SCAMP2: variants seen among roughly 807,000 people sequenced by gnomAD.
SCAMP2 encodes the protein secretory carrier membrane protein 2.
SCAMP2 carries 25 observed loss-of-function variants against 44.1 expected under a neutral mutation model. The ratio of observed to expected loss-of-function variants is 0.57; its 90% CI spans 0.41 to 0.79. The LOEUF is 0.79. SCAMP2 is among the 30% of genes least tolerant of loss of function. The pLI, the probability that SCAMP2 is intolerant of heterozygous loss-of-function variation, is 0.00. For synonymous variants in SCAMP2, 156 were observed against 166.0 expected (o/e 0.94, Z 0.46); for missense variants, 355 against 411.0 (o/e 0.86, Z 1.18).
intron 1 of SCAMP2, among the ~76,000 whole-genome samples, chr15:74,858,220 C>T (rs2064479786): frequency 6.6e-6 from 1 of 152,170 alleles, no homozygotes. Context: ...AATGATGCTA[C>T]TGTGAAATTC....
At chr15:74,851,249 CT>C in intron 5 of SCAMP2, 103 bp downstream of exon 5, 1 of 1,341,246 alleles carries the variant, frequency 7.5e-7, no homozygotes, top group Non-Finnish European at 1.0e-6. Context: ...AGGCTGGAGT[CT>C]GCTGAAAGCC....
intron 1 of SCAMP2, among the ~76,000 whole-genome samples, chr15:74,868,209 C>T (rs2064554858): frequency 6.6e-6 from 1 of 152,164 alleles, no homozygotes; most frequent in Non-Finnish European, 1.5e-5. Flanking sequence ...GTGGGCAAAC[C>T]TCTGTGGCAC....
intron 1 of SCAMP2, chr15:74,872,977 C>G (rs2064587381): frequency 1.5e-5 from 7 of 479,566 alleles, no homozygotes; most frequent in Non-Finnish European, 2.5e-5. Context: ...TAGAAGACCC[C>G]ACTGTCTCCA....
intron 1 of SCAMP2, among the ~76,000 whole-genome samples, chr15:74,863,703 C>A (rs2064524032): frequency 6.6e-6 from 1 of 152,178 alleles, no homozygotes; most frequent in Admixed American, 6.5e-5. Flanking sequence ...CTCCTCGCAC[C>A]TCTGTGTAGT....
intron 1 of SCAMP2, among the ~76,000 whole-genome samples, chr15:74,870,510 T>C (rs2064568449): frequency 6.6e-6 from 1 of 152,174 alleles, no homozygotes; most frequent in African/African-American, 2.4e-5. Flanking sequence ...AACCCCAGTA[T>C]TATACAGCAG....
intron 7 of SCAMP2, 141 bp from the exon 8 acceptor site, chr15:74,845,734 A>T: frequency 1.9e-6 from 2 of 1,066,336 alleles, no homozygotes; most frequent in Non-Finnish European, 2.8e-6. Context: ...CCTGTGAGCC[A>T]GAAGCCCTTG....
chr15:74,847,496 C>T lies in SCAMP2; in HGVS notation c.734+1104G>A, dbSNP rs543530003. Among the ~76,000 whole-genome samples, 14 of 152,314 alleles carry T rather than the reference C, an allele frequency of 9.2e-5. No homozygotes were observed. The South Asian group carries it at 2.9e-3, about 32-fold the overall frequency. On this transcript the variant is annotated intron_variant, in intron 7 of 8. Coordinates refer to ENST00000268099, the MANE Select transcript of SCAMP2 (RefSeq NM_005697.5). The stretch of plus-strand genomic sequence containing the variant: ...GGTAAGGAGTAATGAAATTGGGTCA[C>T]TGGTCAAAAGGGACCAGATTAACAA...
chr15:74,864,037 G>A (rs146624230), intron 1 of SCAMP2, among the ~76,000 whole-genome samples: 203 of 152,140 alleles, frequency 1.3e-3, no homozygotes, highest in African/African-American at 4.6e-3. Context: ...CAAAGCCACA[G>A]GATCTTTATT....
At position 74,872,359 on chromosome 15, in the gene SCAMP2, G is replaced by A. The variant is rs554261102; in HGVS notation, c.57+840C>T. On this transcript the variant is annotated intron_variant, in intron 1 of 8. Coordinates refer to ENST00000268099, the MANE Select transcript of SCAMP2 (RefSeq NM_005697.5). ...ACTCGGGAGGCAGAGGTTGCAGTGA[G>A]CGGAAATCGTGCCAATGCACTCCAG... Among the ~76,000 whole-genome samples the A allele has an allele frequency of 8.6e-5, 13 of 151,624 alleles. No individual in the cohort carries two copies. In the South Asian group the frequency reaches 2.7e-3, roughly 32 times the overall value.
chr15:74,845,142 T>A lies in SCAMP2; in HGVS notation c.931A>T (p.Ser311Cys), dbSNP rs1391560412. 6.2e-7 allele frequency: 1 copy of A among 1,614,032 alleles called. No individual in the cohort carries two copies. The highest frequency in any genetic ancestry group is 1.1e-5 in the South Asian group (1 of 91,080). ...QEEFSQGIFS[S>C]RTFHRAASSA... ...GAAGCAGCTCTGTGGAAGGTTCTGC[T>A]GCTGAAGATGCCCTGGGAAAACTCC... The change falls in exon 9 of 9, where the codon AGC becomes TGC. Residue 311 changes from serine to cysteine, a missense_variant. Ser to Cys is a moderately radical substitution (Grantham distance 112). Coordinates refer to ENST00000268099, the MANE Select transcript of SCAMP2 (RefSeq NM_005697.5).
chr15:74,845,136 T>C lies in SCAMP2; in HGVS notation c.937A>G (p.Thr313Ala). ...EFSQGIFSSR[T>A]FHRAASSAAQ... ...GCAGATGAAGCAGCTCTGTGGAAGG[T>C]TCTGCTGCTGAAGATGCCCTGGGAA... The change falls in exon 9 of 9, where the codon ACC becomes GCC. Residue 313 changes from threonine to alanine, a missense_variant. Transcript: ENST00000268099. 1 of 1,614,014 alleles carries C rather than the reference T, an allele frequency of 6.2e-7. No homozygotes were observed. Among genetic ancestry groups the C allele is most frequent in the Non-Finnish European group, 8.5e-7 (1 of 1,179,980 alleles).
chr15:74,845,670 A>C (rs1461487572), intron 7 of SCAMP2, 77 bp from the exon 8 acceptor site: 10 of 1,565,512 alleles, frequency 6.4e-6, no homozygotes, highest in Non-Finnish European at 8.7e-6. Flanking sequence ...CTCTTCTCCA[A>C]GTGGCTGCTG....
At chr15:74,860,913 G>A (rs145876521) in intron 1 of SCAMP2, among the ~76,000 whole-genome samples, 3 of 151,994 alleles carry the variant, frequency 2.0e-5, no homozygotes, top group East Asian at 3.9e-4. Flanking sequence ...GGTGGCTCAT[G>A]CCTGTAATCC....
chr15:74,854,604 C>T lies in SCAMP2; in HGVS notation c.103G>A (p.Ala35Thr), dbSNP rs746562720. The T allele has an allele frequency of 6.2e-7, 1 of 1,607,158 alleles. No homozygotes were observed. The highest frequency in any genetic ancestry group is 8.5e-7 in the Non-Finnish European group (1 of 1,176,864). Residue 35 changes from alanine to threonine, a missense_variant, in exon 2 of 9, where the codon GCG becomes ACG. Coordinates refer to ENST00000268099, the MANE Select transcript of SCAMP2 (RefSeq NM_005697.5). ...QLTNAPQGGLAEFNPFSETNA... is the reference protein window; with the variant it reads ...QLTNAPQGGLTEFNPFSETNA... ...ACCTCTGAGAAGGGGTTGAATTCCG[C>T]CAGGCCGCCCTGCGGGGCGTTGGTC...
intron 7 of SCAMP2, among the ~76,000 whole-genome samples, chr15:74,846,549 G>A (rs958774287): frequency 7.9e-5 from 12 of 152,108 alleles, no homozygotes; most frequent in African/African-American, 2.4e-4. Flanking sequence ...GGATCACGAG[G>A]TCAGCAGATC....
chr15:74,844,224 A>C lies in SCAMP2; in HGVS notation c.*859T>G, dbSNP rs2064368761. On this transcript the variant is annotated 3_prime_UTR_variant, in exon 9 of 9. Transcript: ENST00000268099. ...GGGGAGGGGGGGGGGTAGTCACAGC[A>C]AACAGGGCCAAACCAACCACACCAG... 6.6e-6 allele frequency: 1 copy of C among 151,514 alleles called. No homozygotes were observed. Among genetic ancestry groups the C allele is most frequent in the African/African-American group, 2.4e-5 (1 of 41,108 alleles). The allele number at this position is 151,514 out of a possible 1,614,324, so 9.4% of individuals were successfully genotyped here.
At chr15:74,859,827 C>T (rs539735435) in intron 1 of SCAMP2, among the ~76,000 whole-genome samples, 1 of 152,186 alleles carries the variant, frequency 6.6e-6, no homozygotes, top group South Asian at 2.1e-4. Flanking sequence ...TCATACCATG[C>T]GTTTCACAGG....
At chr15:74,862,369 G>C (rs148451874) in intron 1 of SCAMP2, among the ~76,000 whole-genome samples, 289 of 150,466 alleles carry the variant, frequency 1.9e-3, no homozygotes, top group South Asian at 6.1e-3. Context: ...TTGAGATCAG[G>C]AGTTCAAGAC....
intron 1 of SCAMP2, chr15:74,872,870 C>T: frequency 3.3e-6 from 1 of 301,392 alleles, no homozygotes; most frequent in Non-Finnish European, 6.1e-6. Context: ...AATGCGATAG[C>T]CACATTTCGC....
Sources: gnomAD v4.1 joint callset for allele counts (sites outside exome capture counted in the v4.1 genomes callset) on GRCh38, gnomAD v4.1.1 for gene constraint, MANE v1.5 for transcripts, NCBI Gene and HGNC (gene_info 2026-07-23, HGNC 2026-07-21) for gene names.